Variants in MSRA observed in about 807,000 individuals in gnomAD.
The protein encoded by MSRA is mitochondrial peptide methionine sulfoxide reductase.
In MSRA, 54 loss-of-function variants were observed where a neutral mutation model predicts 31.3. The observed-to-expected ratio is 1.73, with a 90% CI of 1.39 to 2.17. The LOEUF is 2.17. Ranked by LOEUF, MSRA falls within the 30% of genes most tolerant of loss-of-function variation. The probability of loss-of-function intolerance (pLI) is 0.00; values close to 1 mark genes in which losing one functional copy is unlikely to be tolerated. For synonymous variants in MSRA, 169 were observed against 116.5 expected (o/e 1.45, Z -2.90); for missense variants, 507 against 300.9 (o/e 1.69, Z -5.07).
intron 5 of MSRA, among the ~76,000 whole-genome samples, chr8:10,373,443 T>C (rs1805588244): frequency 6.6e-6 from 1 of 152,032 alleles, no homozygotes; most frequent in East Asian, 1.9e-4. Flanking sequence ...CCCTGCTCAC[T>C]GCAGCCTTGA....
At chr8:10,343,025 A>T (rs1803531190) in intron 5 of MSRA, among the ~76,000 whole-genome samples, 1 of 33,284 alleles carries the variant, frequency 3.0e-5, no homozygotes. Context: ...AGCATTACAC[A>T]CACACACACA....
intron 1 of MSRA, among the ~76,000 whole-genome samples, chr8:10,194,846 C>T (rs1807838123): frequency 6.6e-6 from 1 of 152,230 alleles, no homozygotes; most frequent in African/African-American, 2.4e-5. Flanking sequence ...TGGGAAGAGA[C>T]TCCTGGGCTT....
intron 1 of MSRA, among the ~76,000 whole-genome samples, chr8:10,204,296 A>C (rs1808755508): frequency 6.6e-6 from 1 of 152,236 alleles, no homozygotes; most frequent in Admixed American, 6.5e-5. Flanking sequence ...GATATTTATA[A>C]AGTCCGTGGT....
At chr8:10,337,677 T>C in intron 5 of MSRA, 1 of 700,936 alleles carries the variant, frequency 1.4e-6, no homozygotes, top group Non-Finnish European at 2.6e-6. Context: ...TGATTTTTCA[T>C]CTTGAACCTT....
chr8:10,264,292 A>G lies in MSRA; in HGVS notation c.331+19069A>G, dbSNP rs115791604. Among the ~76,000 whole-genome samples the G allele has an allele frequency of 3.0e-3, 457 of 152,340 alleles. 4 individuals are homozygous for G. The highest frequency in any genetic ancestry group is 0.011 in the African/African-American group (441 of 41,590). ...AGAACTCCAGCTATTAGCATGTAGC[A>G]TTTAACCTCCTATACTATTAGGTCG... is the stretch of plus-strand genomic sequence containing the variant. On this transcript the variant is annotated intron_variant, in intron 3 of 5. Transcript: ENST00000317173.
At chr8:10,155,963 C>T (rs1804121303) in intron 1 of MSRA, among the ~76,000 whole-genome samples, 2 of 152,134 alleles carry the variant, frequency 1.3e-5, no homozygotes, top group Non-Finnish European at 2.9e-5. Flanking sequence ...ACAGTATTCT[C>T]TGTGCTTTTG....
intron 3 of MSRA, among the ~76,000 whole-genome samples, chr8:10,292,888 T>G (rs1585386492): frequency 6.7e-6 from 1 of 148,190 alleles, no homozygotes; most frequent in Non-Finnish European, 1.5e-5. Context: ...CTGGGGAGGG[T>G]GGGGGAAACC....
At chr8:10,393,283 A>C (rs1806881159) in intron 5 of MSRA, among the ~76,000 whole-genome samples, 1 of 152,038 alleles carries the variant, frequency 6.6e-6, no homozygotes, top group South Asian at 2.1e-4. Flanking sequence ...TTTCCTTGCC[A>C]TTGGCTGGGC....
At chr8:10,342,290 A>G (rs1803477590) in intron 5 of MSRA, among the ~76,000 whole-genome samples, 1 of 152,098 alleles carries the variant, frequency 6.6e-6, no homozygotes, top group South Asian at 2.1e-4. Context: ...CTTTTGTTTG[A>G]TATTTACCAG....
chr8:10,235,096 C>G (rs1306194422), intron 2 of MSRA, among the ~76,000 whole-genome samples: 2 of 150,480 alleles, frequency 1.3e-5, no homozygotes, highest in African/African-American at 4.9e-5. Context: ...AACCCTGTAC[C>G]TAAGAAACAC....
intron 1 of MSRA, among the ~76,000 whole-genome samples, chr8:10,206,741 G>C (rs1172196621): frequency 6.6e-6 from 1 of 152,184 alleles, no homozygotes; most frequent in South Asian, 2.1e-4. Context: ...TTCCCACCCA[G>C]CTCTCCTGCT....
At chr8:10,063,499 A>G (rs1352897230) in intron 1 of MSRA, among the ~76,000 whole-genome samples, 2 of 152,102 alleles carry the variant, frequency 1.3e-5, no homozygotes, top group Non-Finnish European at 2.9e-5. Flanking sequence ...CCTTCCTTGC[A>G]GGTTGCTATG....
chr8:10,173,824 A>G (rs963126153), intron 1 of MSRA, among the ~76,000 whole-genome samples: 1 of 152,154 alleles, frequency 6.6e-6, no homozygotes, highest in African/African-American at 2.4e-5. Context: ...ATTGCAAATG[A>G]CTACATTAAC....
At chr8:10,219,965 C>G (rs1366247910) in intron 2 of MSRA, among the ~76,000 whole-genome samples, 5 of 151,650 alleles carry the variant, frequency 3.3e-5, no homozygotes, top group African/African-American at 1.2e-4. Context: ...AATGTTACCA[C>G]TGAAAGCCTA....
chr8:10,236,895 A>G (rs146823900), intron 2 of MSRA, among the ~76,000 whole-genome samples: 2 of 152,316 alleles, frequency 1.3e-5, no homozygotes, highest in Non-Finnish European at 2.9e-5. Flanking sequence ...CATGGTATTG[A>G]AGGACATCCA....
intron 5 of MSRA, among the ~76,000 whole-genome samples, chr8:10,415,519 A>G (rs1284828671): frequency 6.6e-6 from 1 of 152,034 alleles, no homozygotes; most frequent in Admixed American, 6.5e-5. Flanking sequence ...GGGGGTGTGC[A>G]GCTGGGTCCC....
chr8:10,314,779 TGG>T (rs1801621595), intron 4 of MSRA, among the ~76,000 whole-genome samples: 1 of 152,180 alleles, frequency 6.6e-6, no homozygotes, highest in Non-Finnish European at 1.5e-5. Context: ...ATTCATACAA[TGG>T]GATATTATGA....
chr8:10,179,638 A>T (rs1298500794), intron 1 of MSRA, among the ~76,000 whole-genome samples: 1 of 152,088 alleles, frequency 6.6e-6, no homozygotes, highest in Non-Finnish European at 1.5e-5. Context: ...GACCCAGCTG[A>T]TGGGGCATAT....
At chr8:10,381,086 A>G (rs907918188) in intron 5 of MSRA, among the ~76,000 whole-genome samples, 1 of 152,090 alleles carries the variant, frequency 6.6e-6, no homozygotes, top group Non-Finnish European at 1.5e-5. Context: ...TGGATATCCT[A>G]TATCTATTCC....
Sources: gnomAD v4.1 joint callset for allele counts (sites outside exome capture counted in the v4.1 genomes callset) on GRCh38, gnomAD v4.1.1 for gene constraint, MANE v1.5 for transcripts, NCBI Gene and HGNC (gene_info 2026-07-23, HGNC 2026-07-21) for gene names.